Variants in FYCO1 observed in about 807,000 individuals in gnomAD.
The protein encoded by FYCO1 is FYVE and coiled-coil domain-containing protein 1.
FYCO1 carries 122 observed loss-of-function variants against 165.1 expected under a neutral mutation model. The observed-to-expected ratio is 0.74, with a 90% CI of 0.64 to 0.86. The LOEUF is 0.86. Among genes scored for constraint, FYCO1 ranks in the 40% least tolerant of loss-of-function variants. FYCO1 has a pLI of 0.00. For synonymous variants in FYCO1, 648 were observed against 742.5 expected, an observed-to-expected ratio of 0.87 and a Z score of 2.07; for missense variants, 1,702 against 1,810.3, an observed-to-expected ratio of 0.94 and a Z score of 1.09.
In FYCO1 at chr3:45,958,439, G is replaced by C. The variant is rs750693529; in HGVS notation, c.3768C>G (p.Ala1256=). 2 of 1,612,736 alleles carry C rather than the reference G, an allele frequency of 1.2e-6. No individual in the cohort carries two copies. The highest frequency in any genetic ancestry group is 1.3e-5 in the African/African-American group (1 of 74,912). ...QGEPSPALSP[A]SPGPQATGGQ... ...CTCCTGTGGCCTGGGGCCCAGGTGAGGCTGGTGACAGTGCAGGGCTGGGCT... is the reference window on the plus strand; with the variant it reads ...CTCCTGTGGCCTGGGGCCCAGGTGACGCTGGTGACAGTGCAGGGCTGGGCT... Residue 1256 remains alanine (A), a synonymous_variant, in exon 13 of 18, where the codon GCC becomes GCG. Transcript: ENST00000296137.
At chr3:45,963,112 T>C (rs1403436620) in intron 10 of FYCO1, among the ~76,000 whole-genome samples, 1 of 152,068 alleles carries the variant, frequency 6.6e-6, no homozygotes, top group Non-Finnish European at 1.5e-5. Context: ...AGAGACTGAT[T>C]ACTTTACACC....
At chr3:45,933,396 T>C (rs1325702134) in intron 15 of FYCO1, among the ~76,000 whole-genome samples, 1 of 152,240 alleles carries the variant, frequency 6.6e-6, no homozygotes, top group Admixed American at 6.5e-5. Context: ...GTCATTCTCC[T>C]TGCATTTTAT....
At chr3:45,980,220 G>A (rs2125868674) in intron 3 of FYCO1, among the ~76,000 whole-genome samples, 1 of 152,126 alleles carries the variant, frequency 6.6e-6, no homozygotes, top group African/African-American at 2.4e-5. Flanking sequence ...GTGGTGGCGG[G>A]CGCCTGTGAT....
Position 45,965,112 on chromosome 3 carries a change from T to C in FYCO1, c.3071A>G (p.Glu1024Gly), listed in dbSNP as rs1405518307. The change falls in exon 9 of 18, where the codon GAG (glutamate) becomes GGG (glycine). Residue 1024 changes from glutamate to glycine, a missense_variant. Glu to Gly is a moderately conservative substitution (Grantham distance 98). Transcript: ENST00000296137. ...AAGCTGGCCCCTGAGGCTCTTGCAC[T>C]CTTCACCAGCATTCTAGAGAGGACA... ...YQSRLKNAGE[E>G]CKSLRGQLEE... 2 of 1,613,648 alleles carry C rather than the reference T, an allele frequency of 1.2e-6. No individual in the cohort carries two copies. The highest frequency in any genetic ancestry group is 1.3e-5 in the African/African-American group (1 of 74,880).
chr3:45,933,980 A>G (rs1410476853), intron 15 of FYCO1, among the ~76,000 whole-genome samples: 1 of 150,944 alleles, frequency 6.6e-6, no homozygotes, highest in African/African-American at 2.4e-5. Flanking sequence ...CTAAATAATT[A>G]CAATAACCAA....
intron 14 of FYCO1, chr3:45,948,155 G>T (rs867012499): frequency 6.0e-6 from 1 of 167,290 alleles, no homozygotes; most frequent in Non-Finnish European, 1.5e-5. Context: ...GCAAAACAGC[G>T]TTTAAGACTG....
At chr3:45,959,841 A>G (rs1705587305) in intron 11 of FYCO1, among the ~76,000 whole-genome samples, 1 of 152,176 alleles carries the variant, frequency 6.6e-6, no homozygotes, top group African/African-American at 2.4e-5. Flanking sequence ...CCTAAACAAC[A>G]GTGCTGGGGG....
chr3:45,962,243 C>T lies in FYCO1; in HGVS notation c.3419G>A (p.Arg1140Gln), dbSNP rs41289620. ...CACTCACCTGAGCAGCTCTATCAGCCGCTCCTCGAGATACTTCTTGGTTCT... is the reference window on the plus strand; with the variant it reads ...CACTCACCTGAGCAGCTCTATCAGCTGCTCCTCGAGATACTTCTTGGTTCT... ...LNRTKKYLEE[R>Q]LIELLRDKDA... The change falls in exon 11 of 18, where the codon CGG becomes CAG. Residue 1140 changes from arginine (R) to glutamine (Q), a missense_variant. Transcript: ENST00000296137. The surrounding 1 kb of genome is among the most constrained non-coding windows in gnomAD (Gnocchi z 4.4). 0.011 allele frequency: 17,104 copies of T among 1,614,124 alleles called. 119 individuals are homozygous for T. The highest frequency in any genetic ancestry group is 0.018 in the Admixed American group (1,104 of 60,034).
At chr3:45,982,023 T>A (rs1346607681) in intron 2 of FYCO1, among the ~76,000 whole-genome samples, 6 of 152,242 alleles carry the variant, frequency 3.9e-5, no homozygotes, top group African/African-American at 1.4e-4. Context: ...CAGAAAGCTT[T>A]ACCTTTATTC....
chr3:45,923,501 G>T (rs982074107), intron 17 of FYCO1, among the ~76,000 whole-genome samples, 155 bp downstream of exon 17: 1 of 152,164 alleles, frequency 6.6e-6, no homozygotes, highest in African/African-American at 2.4e-5. Context: ...AATCTCTAAA[G>T]AACACTGGAA....
chr3:45,981,942 T>C (rs1189757106), intron 2 of FYCO1, among the ~76,000 whole-genome samples: 3 of 152,216 alleles, frequency 2.0e-5, no homozygotes, highest in Non-Finnish European at 4.4e-5. Context: ...GGCTAGTAAT[T>C]TGCATATAGT....
chr3:45,971,010 T>C (rs952120922), intron 6 of FYCO1, among the ~76,000 whole-genome samples: 2 of 152,150 alleles, frequency 1.3e-5, no homozygotes, highest in Non-Finnish European at 2.9e-5. Flanking sequence ...AAGGATGGCA[T>C]TGGGGTGGGG....
intron 16 of FYCO1, among the ~76,000 whole-genome samples, chr3:45,924,859 C>T (rs773884882): frequency 8.6e-5 from 13 of 151,902 alleles, no homozygotes; most frequent in Non-Finnish European, 1.5e-4. Context: ...GTGATCTGCC[C>T]GCCTCAGCCT....
rs1706238288 is a variant in FYCO1 at position 45,968,517 on chromosome 3, G to T, written c.817C>A (p.Gln273Lys). Residue 273 changes from glutamine to lysine, a missense_variant, in exon 8 of 18, where the codon CAA becomes AAA. Physicochemically the swap from Gln to Lys is moderately conservative, Grantham distance 53 (BLOSUM62 1). Transcript: ENST00000296137. ...LRAAVSQQGE[Q>K]LQTERERGRT... ...CCCCTCTCCCTCTCTGTCTGCAGTT[G>T]CTCCCCTTGCTGGCTGACAGCTGCC... 6.2e-7 allele frequency: 1 copy of T among 1,613,932 alleles called. No individual in the cohort carries two copies. Among genetic ancestry groups the T allele is most frequent in the Non-Finnish European group, 8.5e-7 (1 of 1,180,022 alleles).
Position 45,966,339 on chromosome 3 carries a change from C to A in FYCO1, c.2995G>T (p.Glu999Ter). ...AQSLQEAAHQ[E>*]LNTLKFQLSA... ...AGCTGGAACTTGAGGGTGTTGAGCT[C>A]CTGGTGTGCAGCCTCTTGGAGGCTC... Residue 999 changes from glutamate to a stop codon, truncating the protein, a stop_gained, in exon 8 of 18, where the codon GAG (glutamate) becomes TAG (stop). Coordinates refer to ENST00000296137, the MANE Select transcript of FYCO1 (RefSeq NM_024513.4). LOFTEE classifies it high-confidence loss of function. 6.2e-7 allele frequency: 1 copy of A among 1,614,222 alleles called. No homozygotes were observed. Among genetic ancestry groups the A allele is most frequent in the Non-Finnish European group, 8.5e-7 (1 of 1,180,034 alleles).
chr3:45,966,277 C>G lies in FYCO1; in HGVS notation c.3057G>C (p.Lys1019Asn). 6.2e-7 allele frequency: 1 copy of G among 1,613,762 alleles called. No homozygotes were observed. Among genetic ancestry groups the G allele is most frequent in the Non-Finnish European group, 8.5e-7 (1 of 1,180,028 alleles). ...CCCAAGTGGTTGAAGCTAGGATTACCTTAAGTCTGCTCTGGTAGTCCATGA... is the reference window on the plus strand; with the variant it reads ...CCCAAGTGGTTGAAGCTAGGATTACGTTAAGTCTGCTCTGGTAGTCCATGA... ...AEIMDYQSRL[K>N]NAGEECKSLR... is the part of the protein sequence containing the mutation. The change falls in exon 8 of 18, where the codon AAG becomes AAC. Residue 1019 changes from lysine to asparagine, a missense_variant and splice_region_variant. Lys to Asn is a moderately conservative substitution (Grantham distance 94). Coordinates refer to ENST00000296137, the MANE Select transcript of FYCO1 (RefSeq NM_024513.4).
chr3:45,967,364 T>C lies in FYCO1; in HGVS notation c.1970A>G (p.Gln657Arg). 1 of 1,610,432 alleles carries C rather than the reference T, an allele frequency of 6.2e-7. No homozygotes were observed. Residue 657 changes from glutamine (Q) to arginine (R), a missense_variant, in exon 8 of 18, where the codon CAG becomes CGG. Transcript: ENST00000296137. ...GGCCTCCAGGGAGGCCAAGGAGCCCTGGATGGCTGATTCCCGCTGCTGCAA... is the reference window on the plus strand; with the variant it reads ...GGCCTCCAGGGAGGCCAAGGAGCCCCGGATGGCTGATTCCCGCTGCTGCAA... ...QALQQRESAI[Q>R]GSLASLEAEQ...
At chr3:45,921,892 G>A (rs779865636) in intron 17 of FYCO1, 52 bp from the exon 18 acceptor site, 17 of 1,221,362 alleles carry the variant, frequency 1.4e-5, no homozygotes, top group Non-Finnish European at 1.6e-5. Context: ...CTGAAAGTCC[G>A]AGGGGTGGCA....
At chr3:45,936,359 C>G (rs150646600) in intron 15 of FYCO1, 89 bp downstream of exon 15, 6 of 840,132 alleles carry the variant, frequency 7.1e-6, no homozygotes, top group Non-Finnish European at 1.0e-5. Flanking sequence ...TTAGAGCCCC[C>G]GAGGTGGTCC....
Sources: gnomAD v4.1 joint callset for allele counts (sites outside exome capture counted in the v4.1 genomes callset) on GRCh38, gnomAD v4.1.1 for gene constraint, Gnocchi (gnomAD v3.1) non-coding constraint, MANE v1.5 for transcripts, NCBI Gene and HGNC (gene_info 2026-07-23, HGNC 2026-07-21) for gene names.